DCAF8L2: variants seen among roughly 807,000 people sequenced by gnomAD.
DCAF8L2 encodes DDB1 and CUL4 associated factor 8 like 2, also known as DDB1- and CUL4-associated factor 8-like protein 2.
For synonymous variants in DCAF8L2, 200 were observed against 190.9 expected, an observed-to-expected ratio of 1.05 and a Z score of -0.39; for missense variants, 430 against 490.7, an observed-to-expected ratio of 0.88 and a Z score of 1.17.
chrX:27,652,366 A>G (rs1457551457), intron 2 of DCAF8L2, among the ~76,000 whole-genome samples: 1 of 111,714 alleles, frequency 9.0e-6, no homozygotes, highest in Non-Finnish European at 1.9e-5. Flanking sequence ...CTCAGCTTAC[A>G]AGAAAGATTG....
At chrX:27,572,093 A>G in the DCAF8L2 span, among the ~76,000 whole-genome samples, 4 of 112,150 alleles carry the variant, frequency 3.6e-5, no homozygotes, top group Non-Finnish European at 7.5e-5. Flanking sequence ...AATAACTAGA[A>G]GAAGGAAACA....
chrX:27,666,034 A>T (rs1569176408), intron 2 of DCAF8L2, among the ~76,000 whole-genome samples: 1 of 111,788 alleles, frequency 8.9e-6, no homozygotes, highest in Non-Finnish European at 1.9e-5. Context: ...ATTAAGAAAT[A>T]AAAGCTCATG....
chrX:27,702,786 A>G (rs1040892189), intron 3 of DCAF8L2, among the ~76,000 whole-genome samples: 5 of 111,787 alleles, frequency 4.5e-5, no homozygotes, highest in African/African-American at 1.6e-4. Context: ...TCTCCCTAAG[A>G]TAAGGAACAA....
chrX:27,474,364 A>G, the DCAF8L2 span, among the ~76,000 whole-genome samples: 8 of 111,833 alleles, frequency 7.2e-5, no homozygotes, highest in Non-Finnish European at 1.3e-4. Flanking sequence ...CCACCCACAT[A>G]TGCGTACATA....
chrX:27,725,716 T>TG (rs1386615093), intron 4 of DCAF8L2, among the ~76,000 whole-genome samples: 1 of 96,176 alleles, frequency 1.0e-5, no homozygotes, highest in Non-Finnish European at 2.2e-5. Context: ...TAATATAACT[T>TG]GCAAATTAAA....
At chrX:27,736,753 A>G (rs957130574) in intron 4 of DCAF8L2, among the ~76,000 whole-genome samples, 4 of 111,711 alleles carry the variant, frequency 3.6e-5, no homozygotes, top group Non-Finnish European at 7.5e-5. Flanking sequence ...GCAGTTCTCA[A>G]AGTGTGATTG....
intron 2 of DCAF8L2, among the ~76,000 whole-genome samples, chrX:27,669,985 AC>A (rs1929887810): frequency 9.0e-6 from 1 of 111,727 alleles, no homozygotes; most frequent in Non-Finnish European, 1.9e-5. Context: ...TTGGGTATAT[AC>A]CCAGTAATGG....
chrX:27,497,185 G>A, the DCAF8L2 span, among the ~76,000 whole-genome samples: 1 of 111,332 alleles, frequency 9.0e-6, no homozygotes, highest in Non-Finnish European at 1.9e-5. Flanking sequence ...ACACGCGATA[G>A]AATTATACAC....
intron 4 of DCAF8L2, among the ~76,000 whole-genome samples, chrX:27,717,111 ATTTTC>A (rs769921124): frequency 8.9e-6 from 1 of 111,889 alleles, no homozygotes; most frequent in East Asian, 2.8e-4. Context: ...TATGTACAAC[ATTTTC>A]TTTATCCAGT....
intron 1 of DCAF8L2, among the ~76,000 whole-genome samples, chrX:27,625,660 C>T (rs751636492): frequency 1.8e-5 from 2 of 111,816 alleles, no homozygotes; most frequent in South Asian, 7.5e-4. Context: ...ACGTATACAC[C>T]GTGGAATACT....
intron 3 of DCAF8L2, chrX:27,712,596 T>C (rs1049988076): frequency 8.9e-6 from 1 of 111,792 alleles, no homozygotes; most frequent in African/African-American, 3.3e-5. Flanking sequence ...CATTTCTAGT[T>C]TACCATCAGA....
At chrX:27,471,392 A>G in the DCAF8L2 span, among the ~76,000 whole-genome samples, 1 of 110,991 alleles carries the variant, frequency 9.0e-6, no homozygotes, top group East Asian at 2.8e-4. Context: ...CAGAGCTTGC[A>G]TACTACTTTC....
the DCAF8L2 span, chrX:27,519,787 T>A: frequency 7.9e-6 from 4 of 508,399 alleles, no homozygotes; most frequent in African/African-American, 9.3e-5. Context: ...TTTAATCTGA[T>A]TTTTTTAAAG....
the DCAF8L2 span, among the ~76,000 whole-genome samples, chrX:27,475,259 C>T: frequency 9.0e-6 from 1 of 111,519 alleles, no homozygotes; most frequent in Non-Finnish European, 1.9e-5. Context: ...AAATTTCCTG[C>T]AAGGACATTT....
intron 2 of DCAF8L2, among the ~76,000 whole-genome samples, chrX:27,672,023 A>G (rs746990805): frequency 8.9e-6 from 1 of 112,230 alleles, no homozygotes; most frequent in Admixed American, 9.5e-5. Context: ...AATCTTCAGA[A>G]TGAAAATACC....
At chrX:27,475,795 T>A in the DCAF8L2 span, among the ~76,000 whole-genome samples, 4 of 112,259 alleles carry the variant, frequency 3.6e-5, no homozygotes, top group African/African-American at 6.5e-5. Context: ...TGTCAGTGAT[T>A]AGACATTTAA....
chrX:27,616,662 G>A (rs964346535), intron 1 of DCAF8L2, among the ~76,000 whole-genome samples: 3 of 110,957 alleles, frequency 2.7e-5, no homozygotes, highest in African/African-American at 9.8e-5. Flanking sequence ...ATCGTATTAC[G>A]TTGATTCTCT....
the DCAF8L2 span, among the ~76,000 whole-genome samples, chrX:27,507,350 T>A: frequency 8.9e-6 from 1 of 111,780 alleles, no homozygotes; most frequent in Non-Finnish European, 1.9e-5. Context: ...AAACTCTCTA[T>A]AATAAATAAT....
At chrX:27,669,572 C>T (rs1437605327) in intron 2 of DCAF8L2, among the ~76,000 whole-genome samples, 1 of 109,406 alleles carries the variant, frequency 9.1e-6, no homozygotes, top group Non-Finnish European at 1.9e-5. Flanking sequence ...GTGTGCTGCA[C>T]CCATTAACTC....
Sources: allele counts gnomAD v4.1 joint callset (sites outside exome capture counted in the v4.1 genomes callset), GRCh38; gene constraint gnomAD v4.1.1; transcripts MANE v1.5; gene names NCBI Gene and HGNC (gene_info 2026-07-23, HGNC 2026-07-21).